Variants in JARID2 observed in about 807,000 individuals in gnomAD.
The protein encoded by JARID2 is jumonji and AT-rich interaction domain containing 2.
A neutral mutation model predicts 125.6 loss-of-function variants in JARID2; 21 were observed. The observed-to-expected ratio is 0.17, with a 90% confidence interval of 0.12 to 0.24. The LOEUF is 0.24. JARID2 is among the 10% of genes least tolerant of loss of function. The pLI, the probability that JARID2 is intolerant of heterozygous loss-of-function variation, is 1.00. For synonymous variants in JARID2, 736 were observed against 661.6 expected (o/e 1.11, Z -1.73); for missense variants, 1,303 against 1,639.6 (o/e 0.79, Z 3.55).
intron 17 of JARID2, among the ~76,000 whole-genome samples, chr6:15,518,872 C>T (rs1427661658): frequency 6.6e-6 from 1 of 152,210 alleles, no homozygotes; most frequent in Non-Finnish European, 1.5e-5. Context: ...ACAAATCACC[C>T]ATGTCTGGGC....
chr6:15,479,376 G>GT (rs1409022646), intron 5 of JARID2, among the ~76,000 whole-genome samples: 2 of 152,170 alleles, frequency 1.3e-5, no homozygotes, highest in African/African-American at 4.8e-5. Flanking sequence ...AGTGTCGTAT[G>GT]TTAGCAGGAA....
intron 4 of JARID2, among the ~76,000 whole-genome samples, chr6:15,458,806 A>G (rs1012841189): frequency 1.3e-5 from 2 of 152,194 alleles, no homozygotes; most frequent in African/African-American, 2.4e-5. Context: ...TAGTGCTGGG[A>G]AGGGGTTCTG....
At chr6:15,250,263 C>T (rs1348730292) in intron 1 of JARID2, among the ~76,000 whole-genome samples, 3 of 149,152 alleles carry the variant, frequency 2.0e-5, no homozygotes, top group African/African-American at 7.3e-5. Context: ...ATTACAACTA[C>T]GTAAAATTAC....
At chr6:15,432,702 T>C (rs1237762229) in intron 3 of JARID2, among the ~76,000 whole-genome samples, 3 of 152,206 alleles carry the variant, frequency 2.0e-5, no homozygotes, top group African/African-American at 4.8e-5. Flanking sequence ...TGGCAGTTTT[T>C]CCGTTTGATT....
intron 3 of JARID2, among the ~76,000 whole-genome samples, chr6:15,438,121 A>C (rs1170237590): frequency 1.3e-5 from 2 of 152,122 alleles, no homozygotes; most frequent in Non-Finnish European, 2.9e-5. Context: ...GGAAACTTGA[A>C]GTATCCAGCT....
intron 5 of JARID2, among the ~76,000 whole-genome samples, chr6:15,483,587 C>T (rs1237659633): frequency 6.6e-6 from 1 of 152,102 alleles, no homozygotes; most frequent in Admixed American, 6.5e-5. Flanking sequence ...TGTATCAATA[C>T]TTGATTTCCT....
At chr6:15,374,561 T>A (rs1188406807) in intron 2 of JARID2, among the ~76,000 whole-genome samples, 1 of 152,248 alleles carries the variant, frequency 6.6e-6, no homozygotes, top group African/African-American at 2.4e-5. Context: ...ATGATCTTGC[T>A]GAAATGTGGA....
At chr6:15,478,945 G>GT (rs1769482199) in intron 5 of JARID2, among the ~76,000 whole-genome samples, 3 of 152,176 alleles carry the variant, frequency 2.0e-5, no homozygotes, top group Non-Finnish European at 4.4e-5. Flanking sequence ...GATTACAGGT[G>GT]TGAGCCACCG....
At chr6:15,457,015 G>A (rs981533161) in intron 4 of JARID2, among the ~76,000 whole-genome samples, 33 of 151,548 alleles carry the variant, frequency 2.2e-4, no homozygotes, top group Middle Eastern at 3.4e-3. Context: ...GACGACCGCT[G>A]TTAATTACCT....
At chr6:15,319,058 G>C (rs1762267242) in intron 1 of JARID2, among the ~76,000 whole-genome samples, 1 of 152,206 alleles carries the variant, frequency 6.6e-6, no homozygotes, top group African/African-American at 2.4e-5. Flanking sequence ...ATAAAATTGG[G>C]CCTTTTGTAT....
At chr6:15,501,508 A>C in intron 8 of JARID2, 99 bp downstream of exon 8, 1 of 1,219,936 alleles carries the variant, frequency 8.2e-7, no homozygotes, top group South Asian at 1.6e-5. Context: ...GTGTTCTCTG[A>C]TTCCCTGGGG....
intron 3 of JARID2, among the ~76,000 whole-genome samples, chr6:15,428,944 A>ACCCCCC (rs1561857160): frequency 6.9e-6 from 1 of 144,716 alleles, no homozygotes; most frequent in African/African-American, 2.7e-5. Context: ...CCCCCCCAAA[A>ACCCCCC]AAAAAAAAAA....
chr6:15,282,895 C>A (rs1294961240), intron 1 of JARID2, among the ~76,000 whole-genome samples: 2 of 152,260 alleles, frequency 1.3e-5, no homozygotes, highest in East Asian at 3.9e-4. Flanking sequence ...GCCACCCCGC[C>A]CGGTCTGATT....
At chr6:15,315,058 G>C (rs925124359) in intron 1 of JARID2, 3 of 152,158 alleles carry the variant, frequency 2.0e-5, no homozygotes, top group Non-Finnish European at 2.9e-5. Context: ...GGATTATGCA[G>C]TTTCTAAAAT....
chr6:15,248,085 G>A, intron 1 of JARID2: 4 of 985,302 alleles, frequency 4.1e-6, no homozygotes, highest in South Asian at 9.4e-5. Context: ...TATTGCGGGC[G>A]TTCAGCGGAT....
intron 8 of JARID2, among the ~76,000 whole-genome samples, chr6:15,502,736 T>G (rs1770803224): frequency 6.6e-6 from 1 of 152,216 alleles, no homozygotes; most frequent in Non-Finnish European, 1.5e-5. Context: ...ACCCAGTTTT[T>G]CTGGCCTGAG....
intron 1 of JARID2, among the ~76,000 whole-genome samples, chr6:15,360,929 A>C (rs142514983): frequency 0.01 from 1,592 of 152,246 alleles, 28 homozygotes; most frequent in African/African-American, 0.03. Flanking sequence ...TCAATACATA[A>C]AGGCTTTTGT....
At chr6:15,374,047 G>C (rs995943093) in intron 1 of JARID2, 70 bp from the exon 2 acceptor site, 1 of 1,550,042 alleles carries the variant, frequency 6.5e-7, no homozygotes, top group Non-Finnish European at 8.8e-7. Flanking sequence ...TTAAAATAAA[G>C]TTTATTTTGA....
intron 3 of JARID2, among the ~76,000 whole-genome samples, chr6:15,443,661 A>G (rs982964657): frequency 1.3e-5 from 2 of 152,198 alleles, no homozygotes; most frequent in African/African-American, 4.8e-5. Flanking sequence ...TTACGAAATG[A>G]TAGATCCAAA....
Sources: gnomAD v4.1 joint callset for allele counts (sites outside exome capture counted in the v4.1 genomes callset) on GRCh38, gnomAD v4.1.1 for gene constraint, MANE v1.5 for transcripts, NCBI Gene and HGNC (gene_info 2026-07-23, HGNC 2026-07-21) for gene names.